The following SMAD6 variants were observed in gnomAD, a reference collection of about 807,000 sequenced individuals.
SMAD6 encodes the protein SMAD family member 6.
A neutral mutation model predicts 39.4 loss-of-function variants in SMAD6; 103 were observed. The observed-to-expected ratio is 2.62, with a 90% confidence interval of 2.23 to 3.08. The LOEUF (loss-of-function observed/expected upper bound fraction) is 3.08. Among genes scored for constraint, SMAD6 ranks in the 30% most tolerant of loss-of-function variants. The pLI, the probability that SMAD6 is intolerant of heterozygous loss-of-function variation, is 0.00. For synonymous variants in SMAD6, 445 were observed against 353.3 expected, an observed-to-expected ratio of 1.26 and a Z score of -2.91; for missense variants, 1,104 against 742.9, an observed-to-expected ratio of 1.49 and a Z score of -5.65.
intron 1 of SMAD6, chr15:66,705,974 G>C (rs1266477620): frequency 6.6e-6 from 1 of 151,876 alleles, no homozygotes; most frequent in East Asian, 1.9e-4. Flanking sequence ...CAAGGTGCCA[G>C]GCACGTTCAG....
At chr15:66,718,495 G>A (rs1893374662) in intron 3 of SMAD6, among the ~76,000 whole-genome samples, 1 of 152,218 alleles carries the variant, frequency 6.6e-6, no homozygotes, top group Admixed American at 6.5e-5. Context: ...CTAAGGAGCG[G>A]AAGGATTTGG....
chr15:66,764,458 G>C lies in SMAD6; in HGVS notation c.953-16539G>C, dbSNP rs56655776. Among the ~76,000 whole-genome samples the C allele has an allele frequency of 7.8e-3, 1,194 of 152,176 alleles. 13 individuals carry two copies. Among genetic ancestry groups the C allele is most frequent in the African/African-American group, 0.025 (1,055 of 41,500 alleles). On this transcript the variant is annotated intron_variant, in intron 3 of 3. Coordinates refer to ENST00000288840, the MANE Select transcript of SMAD6 (RefSeq NM_005585.5). The stretch of plus-strand genomic sequence containing the variant: ...AGTATTTAGGGAAGAGAAGCCAAGA[G>C]ACAAAAGCGTCCCTTCCTCCCTAGA...
intron 3 of SMAD6, among the ~76,000 whole-genome samples, chr15:66,761,632 C>G (rs949593210): frequency 6.6e-5 from 10 of 152,190 alleles, no homozygotes. Flanking sequence ...GAGGCAGCAG[C>G]CCTAGCTATA....
At chr15:66,770,147 C>T (rs903711481) in intron 3 of SMAD6, among the ~76,000 whole-genome samples, 24 of 152,140 alleles carry the variant, frequency 1.6e-4, no homozygotes, top group African/African-American at 5.6e-4. Context: ...TTTCTTGAAG[C>T]CTACCATCAT....
At chr15:66,731,130 C>T (rs533948452) in intron 3 of SMAD6, among the ~76,000 whole-genome samples, 1 of 152,206 alleles carries the variant, frequency 6.6e-6, no homozygotes. Flanking sequence ...GAGAACATTT[C>T]TATTACCCTT....
intron 3 of SMAD6, among the ~76,000 whole-genome samples, chr15:66,754,455 A>G (rs973439786): frequency 2.0e-5 from 3 of 152,208 alleles, no homozygotes; most frequent in Non-Finnish European, 2.9e-5. Flanking sequence ...TGTGTGAATT[A>G]CAGCCAGTGG....
At chr15:66,726,087 A>G (rs1893516078) in intron 3 of SMAD6, among the ~76,000 whole-genome samples, 1 of 152,134 alleles carries the variant, frequency 6.6e-6, no homozygotes, top group South Asian at 2.1e-4. Flanking sequence ...TGAGGAGGCT[A>G]CTGGGCCCGA....
At chr15:66,771,695 T>C (rs1009786088) in intron 3 of SMAD6, among the ~76,000 whole-genome samples, 11 of 152,168 alleles carry the variant, frequency 7.2e-5, no homozygotes, top group Non-Finnish European at 1.6e-4. Flanking sequence ...GGGTCTGTCC[T>C]GAGGATGGGG....
intron 3 of SMAD6, among the ~76,000 whole-genome samples, chr15:66,760,004 G>T (rs1400502666): frequency 6.6e-6 from 1 of 152,132 alleles, no homozygotes; most frequent in East Asian, 1.9e-4. Context: ...CTGCAATCTG[G>T]TCAAACGAGA....
intron 3 of SMAD6, among the ~76,000 whole-genome samples, chr15:66,751,804 G>A (rs1894010987): frequency 6.6e-6 from 1 of 152,226 alleles, no homozygotes; most frequent in Non-Finnish European, 1.5e-5. Flanking sequence ...AGAGCTGGAG[G>A]GACTTTGGCG....
chr15:66,750,455 C>T (rs1249843574), intron 3 of SMAD6, among the ~76,000 whole-genome samples: 1 of 152,170 alleles, frequency 6.6e-6, no homozygotes, highest in Admixed American at 6.5e-5. Flanking sequence ...ATCCTCTGAG[C>T]CCAGCCCTGT....
Position 66,781,251 on chromosome 15 carries a change from TA to T in SMAD6, c.1208del (p.Tyr403SerfsTer136). 1 of 1,608,420 alleles carries T rather than the reference TA, an allele frequency of 6.2e-7. No individual in the cohort carries two copies. The highest frequency in any genetic ancestry group is 8.5e-7 in the Non-Finnish European group (1 of 1,179,398). On this transcript the variant is annotated frameshift_variant, in exon 4 of 4. Coordinates refer to ENST00000288840, the MANE Select transcript of SMAD6 (RefSeq NM_005585.5). LOFTEE classifies it high-confidence loss of function. Reference sequence around the variant, plus strand: ...CAAGGAGCCCGACGGCGTGTGGGCCTACAACCGCGGCGAGCACCCCATCTTC... The same window carrying T: ...CAAGGAGCCCGACGGCGTGTGGGCCTCAACCGCGGCGAGCACCCCATCTTC... Reference protein sequence around the residue: ...LSKEPDGVWAYNRGEHPIFVN... With the variant: ...LSKEPDGVWAXNRGEHPIFVN...
At chr15:66,726,191 A>G (rs575619284) in intron 3 of SMAD6, among the ~76,000 whole-genome samples, 6 of 151,856 alleles carry the variant, frequency 4.0e-5, no homozygotes, top group Admixed American at 2.0e-4. Context: ...CAAAGTGAGG[A>G]CTCTAGGCTG....
chr15:66,776,264 C>T (rs1375353405), intron 3 of SMAD6, among the ~76,000 whole-genome samples: 1 of 152,202 alleles, frequency 6.6e-6, no homozygotes, highest in East Asian at 1.9e-4. Flanking sequence ...GGCCATGACC[C>T]CCAACCCCAC....
At chr15:66,724,285 G>GAAATGAAT (rs1555435724) in intron 3 of SMAD6, among the ~76,000 whole-genome samples, 1 of 150,506 alleles carries the variant, frequency 6.6e-6, no homozygotes, top group South Asian at 2.1e-4. Context: ...GAGTCATTGT[G>GAAATGAAT]GAATGAATGA....
At chr15:66,741,712 C>T (rs1411191543) in intron 3 of SMAD6, among the ~76,000 whole-genome samples, 1 of 152,186 alleles carries the variant, frequency 6.6e-6, no homozygotes, top group Non-Finnish European at 1.5e-5. Context: ...ATTAAATGCA[C>T]AGAACTCCAT....
intron 3 of SMAD6, among the ~76,000 whole-genome samples, chr15:66,731,684 G>A (rs1297660977): frequency 6.6e-6 from 1 of 152,128 alleles, no homozygotes; most frequent in Admixed American, 6.5e-5. Flanking sequence ...TGGCTACAAA[G>A]GTTTGTGTTC....
At chr15:66,721,110 C>T (rs1893423786) in intron 3 of SMAD6, among the ~76,000 whole-genome samples, 1 of 152,112 alleles carries the variant, frequency 6.6e-6, no homozygotes, top group African/African-American at 2.4e-5. Flanking sequence ...TGTAAGTTGG[C>T]AGAGTTTGGG....
chr15:66,717,353 C>A (rs998135944), intron 3 of SMAD6: 17 of 456,996 alleles, frequency 3.7e-5, no homozygotes, highest in Non-Finnish European at 7.0e-5. Flanking sequence ...TGGTAGCAGT[C>A]GCCAAAATCA....
Sources: allele counts gnomAD v4.1 joint callset (sites outside exome capture counted in the v4.1 genomes callset), GRCh38; gene constraint gnomAD v4.1.1; transcripts MANE v1.5; gene names NCBI Gene and HGNC (gene_info 2026-07-23, HGNC 2026-07-21).